Variants in SHC1 observed in about 807,000 individuals in gnomAD.
The protein encoded by SHC1 is SHC-transforming protein 1.
In SHC1, 30 loss-of-function variants were observed where a neutral mutation model predicts 55.9. That is an observed-to-expected ratio of 0.54 (90% CI 0.40 to 0.73). The LOEUF is 0.73. Among genes scored for constraint, SHC1 ranks in the 30% least tolerant of loss-of-function variants. The pLI is 0.00. For missense variants in SHC1, 675 were observed against 777.1 expected, an observed-to-expected ratio of 0.87 and a Z score of 1.56; for synonymous variants, 309 against 306.1, an observed-to-expected ratio of 1.01 and a Z score of -0.10.
At position 154,966,143 on chromosome 1, in the gene SHC1, A is replaced by G. The variant is rs754557447; in HGVS notation, c.1252+19T>C. ...CCTCCAACACTCCCCAGCTCTGCCT[A>G]TCTCGGCTCCCTTCATACCTGGACA... On this transcript the variant is annotated intron_variant, in intron 9 of 11. Coordinates refer to ENST00000448116, the MANE Select transcript of SHC1 (RefSeq NM_001130040.2). The G allele has an allele frequency of 1.4e-5, 22 of 1,614,008 alleles. No homozygotes were observed. The highest frequency in any genetic ancestry group is 1.8e-5 in the Non-Finnish European group (21 of 1,180,020).
In SHC1 at chr1:154,967,960, T is replaced by A. The variant is rs1251911869; in HGVS notation, c.856+20A>T. The A allele has an allele frequency of 1.9e-6, 3 of 1,613,118 alleles. No individual in the cohort carries two copies. The Admixed American group carries it at 5.0e-5, about 27-fold the overall frequency. On this transcript the variant is annotated intron_variant, in intron 6 of 11. Transcript: ENST00000448116. ...TCCTCAAACAGCCAGACCCACCCAG[T>A]GCTCCCCACCATGCCTCACCTCTCT...
chr1:154,970,131 C>G lies in SHC1; in HGVS notation c.396G>C (p.Glu132Asp), dbSNP rs1266747220. ...CAAAGCTCCCGTGGCGGGTCCACTC[C>G]TCGCCCCCAAGCTGGCCCCCTTCCA... ...TRVEGGQLGG[E>D]EWTRHGSFVN... The change falls in exon 1 of 12, where the codon GAG becomes GAC. Residue 132 changes from glutamate to aspartate, a missense_variant. This residue lies in a region of SHC1 where 159 missense variants were observed against 246.9 expected (regional missense o/e 0.64). Transcript: ENST00000448116. This position sits in a 1 kb window ranked among gnomAD's most constrained non-coding sequence, Gnocchi z 5.5. 1 of 1,613,284 alleles carries G rather than the reference C, an allele frequency of 6.2e-7. No individual in the cohort carries two copies. Among genetic ancestry groups the G allele is most frequent in the East Asian group, 2.2e-5 (1 of 44,898 alleles).
In SHC1 at chr1:154,968,823, CT is replaced by C; in HGVS notation, c.577del (p.Ser193ValfsTer33). On this transcript the variant is annotated frameshift_variant, in exon 3 of 12. Coordinates refer to ENST00000448116, the MANE Select transcript of SHC1 (RefSeq NM_001130040.2). LOFTEE classifies it high-confidence loss of function. ...ACCCGGCACAGCCTCACACACCAGA[CT>C]GATGGCCTCCCTGGGGAAAGAGGGG... ...TRTQVTREAI[S>X]LVCEAVPGAK... 6.2e-7 allele frequency: 1 copy of C among 1,614,092 alleles called. No homozygotes were observed. The highest frequency in any genetic ancestry group is 8.5e-7 in the Non-Finnish European group (1 of 1,179,954).
Position 154,966,368 on chromosome 1 carries a change from C to A in SHC1, c.1133G>T (p.Arg378Leu). The change falls in exon 8 of 12, where the codon CGA becomes CTA. Residue 378 changes from arginine to leucine, a missense_variant. This residue lies in a region of SHC1 where 360 missense variants were observed against 371.1 expected (regional missense o/e 0.97). Transcript: ENST00000448116. ...LREGAAPGAARPTAPNAQTPS... is the reference protein window; with the variant it reads ...LREGAAPGAALPTAPNAQTPS... ...GGTCTGGGCATTGGGTGCAGTGGGT[C>A]GAGCAGCCCCTGGAGCGGCTCCTTC... 6.2e-7 allele frequency: 1 copy of A among 1,614,080 alleles called. No individual in the cohort carries two copies. The highest frequency in any genetic ancestry group is 1.3e-5 in the African/African-American group (1 of 75,040).
chr1:154,965,631 T>TC lies in SHC1; in HGVS notation c.1537dup (p.Glu513GlyfsTer20). The TC allele has an allele frequency of 6.2e-7, 1 of 1,614,080 alleles. No individual in the cohort carries two copies. The highest frequency in any genetic ancestry group is 8.5e-7 in the Non-Finnish European group (1 of 1,180,030). On this transcript the variant is annotated frameshift_variant, in exon 11 of 12. Transcript: ENST00000448116. LOFTEE classifies it high-confidence loss of function. Reference sequence around the variant, plus strand: ...ATACTGGCCAGGTGTGGTCGTGCTCTCCCGTACCAGGAAGTCCCCATTGAG... The same window carrying TC: ...ATACTGGCCAGGTGTGGTCGTGCTCTCCCCGTACCAGGAAGTCCCCATTGAG...
At position 154,965,684 on chromosome 1, in the gene SHC1, G is replaced by A. The variant is rs1655867208; in HGVS notation, c.1485C>T (p.Ser495=). 6.2e-7 allele frequency: 1 copy of A among 1,614,164 alleles called. No homozygotes were observed. Among genetic ancestry groups the A allele is most frequent in the Non-Finnish European group, 8.5e-7 (1 of 1,180,024 alleles). The change falls in exon 11 of 12, where the codon AGC becomes AGT. Residue 495 remains serine (S), a synonymous_variant. Coordinates refer to ENST00000448116, the MANE Select transcript of SHC1 (RefSeq NM_001130040.2). The stretch of plus-strand genomic sequence containing the variant: ...GCAGCAGTGCCTCAGCCTCCCGCCG[G>A]CTCAGCTTCCCATGGAACCAGGGCT... ...RGEPWFHGKL[S]RREAEALLQL...
In SHC1 at chr1:154,962,943, G is replaced by A. The variant is rs1655487350; in HGVS notation, c.*860C>T. The A allele has an allele frequency of 6.5e-6, 1 of 152,752 alleles. No homozygotes were observed. The highest frequency in any genetic ancestry group is 2.1e-4 in the South Asian group (1 of 4,828). The allele number at this position is 152,752 out of a possible 1,614,324, so 9.5% of individuals were successfully genotyped here. On this transcript the variant is annotated 3_prime_UTR_variant, in exon 12 of 12. Transcript: ENST00000448116. Reference sequence around the variant, plus strand: ...CCACCTGGGAGAGTTAACTGTACAAGAGGCCCAAATTCAGTCACCCCCACC... The same window carrying A: ...CCACCTGGGAGAGTTAACTGTACAAAAGGCCCAAATTCAGTCACCCCCACC...
At position 154,967,734 on chromosome 1, in the gene SHC1, G is replaced by C. The variant is rs1656189254; in HGVS notation, c.920C>G (p.Ala307Gly). The C allele has an allele frequency of 1.2e-6, 2 of 1,614,034 alleles. No homozygotes were observed. Among genetic ancestry groups the C allele is most frequent in the Non-Finnish European group, 1.7e-6 (2 of 1,179,994 alleles). The part of the protein sequence containing the change: ...AQDVISTIGQ[A>G]FELRFKQYLR... ...GTATTGTTTGAAGCGCAACTCGAAG[G>C]CCTGGCCAATGGTGCTGATGACATC... Residue 307 changes from alanine to glycine, a missense_variant, in exon 7 of 12, where the codon GCC (alanine) becomes GGC (glycine). Physicochemically the swap from Ala to Gly is moderately conservative, Grantham distance 60. Transcript: ENST00000448116.
chr1:154,973,767 T>C (rs1041147384), upstream of SHC1, among the ~76,000 whole-genome samples: 7 of 152,014 alleles, frequency 4.6e-5, no homozygotes, highest in African/African-American at 1.7e-4. Flanking sequence ...GGGGGCGTGG[T>C]CCCCTAAGGA....
upstream of SHC1, among the ~76,000 whole-genome samples, chr1:154,973,083 G>C (rs1315196488): frequency 6.6e-6 from 1 of 152,104 alleles, no homozygotes; most frequent in Non-Finnish European, 1.5e-5. Flanking sequence ...GCTACTTCTG[G>C]GATGAGGTTG....
Position 154,962,936 on chromosome 1 carries a change from T to C in SHC1, c.*867A>G. 6.5e-6 allele frequency: 1 copy of C among 152,744 alleles called. No homozygotes were observed. The highest frequency in any genetic ancestry group is 1.9e-4 in the East Asian group (1 of 5,336). The allele number at this position is 152,744 out of a possible 1,614,324, so 9.5% of individuals were successfully genotyped here. A position where few individuals can be genotyped will look rare whatever the true frequency, so the allele number is the denominator to read the frequency against. On this transcript the variant is annotated 3_prime_UTR_variant, in exon 12 of 12. Coordinates refer to ENST00000448116, the MANE Select transcript of SHC1 (RefSeq NM_001130040.2). ...ACAAAATCCACCTGGGAGAGTTAAC[T>C]GTACAAGAGGCCCAAATTCAGTCAC...
At position 154,970,434 on chromosome 1, in the gene SHC1, CG is replaced by C. The variant is rs752843778; in HGVS notation, c.92del (p.Pro31ArgfsTer35). Reference sequence around the variant, plus strand: ...AAGCTGATGGGGAAGGCAGCTCCTCCGGGGGGGTGGACCCAGAAGCCCCTTC... The same window carrying C: ...AAGCTGATGGGGAAGGCAGCTCCTCCGGGGGGTGGACCCAGAAGCCCCTTC... ...LEEGASGSTP[P>X]EELPSPSASS... On this transcript the variant is annotated frameshift_variant, in exon 1 of 12. Transcript: ENST00000448116. LOFTEE classifies it high-confidence loss of function. This position sits in a 1 kb window ranked among gnomAD's most constrained non-coding sequence, Gnocchi z 5.5. 12 of 1,609,226 alleles carry C rather than the reference CG, an allele frequency of 7.5e-6. No individual in the cohort carries two copies. Among genetic ancestry groups the C allele is most frequent in the South Asian group, 3.3e-5 (3 of 90,628 alleles).
intron 11 of SHC1, 54 bp from the exon 12 acceptor site, chr1:154,963,985 T>G: frequency 6.2e-7 from 1 of 1,601,028 alleles, no homozygotes; most frequent in African/African-American, 1.3e-5. Flanking sequence ...AAATAAGACC[T>G]CAGCCTCCAA....
upstream of SHC1, among the ~76,000 whole-genome samples, chr1:154,974,032 G>A (rs1337216439): frequency 2.0e-5 from 3 of 151,956 alleles, no homozygotes; most frequent in Non-Finnish European, 4.4e-5. Flanking sequence ...GGGGGGTGGG[G>A]ACTTCCAGAA....
At chr1:154,964,735 G>A (rs1242838863) in intron 11 of SHC1, among the ~76,000 whole-genome samples, 3 of 152,100 alleles carry the variant, frequency 2.0e-5, no homozygotes, top group Non-Finnish European at 4.4e-5. Flanking sequence ...CAAAATGTTG[G>A]GATTACAGGC....
At chr1:154,966,920 T>C (rs188371541) in intron 7 of SHC1, among the ~76,000 whole-genome samples, 93 of 152,228 alleles carry the variant, frequency 6.1e-4, no homozygotes, top group Non-Finnish European at 9.3e-4. Context: ...CAGGACAACA[T>C]AGCGAGACCT....
At position 154,966,775 on chromosome 1, in the gene SHC1, C is replaced by T. The variant is rs1268139988; in HGVS notation, c.984-258G>A. Among the ~76,000 whole-genome samples, 5 of 152,272 alleles carry T rather than the reference C, an allele frequency of 3.3e-5. No individual in the cohort carries two copies. In the East Asian group the frequency reaches 5.8e-4, roughly 18 times the overall value. On this transcript the variant is annotated intron_variant, in intron 7 of 11. Coordinates refer to ENST00000448116, the MANE Select transcript of SHC1 (RefSeq NM_001130040.2). ...CAAGGTCTCACAACTAAAAGGCGGC[C>T]GAGCTCAGATTTAAATTCAGGTTTG... is the stretch of plus-strand genomic sequence containing the variant.
At chr1:154,965,867 G>GA (rs1190767948) in intron 10 of SHC1, 79 bp downstream of exon 10, 10 of 1,576,022 alleles carry the variant, frequency 6.3e-6, no homozygotes, top group Non-Finnish European at 8.6e-6. Context: ...AGTCAGGAAG[G>GA]AAAGAGCAGA....
chr1:154,972,433 C>G (rs1656837431), upstream of SHC1, among the ~76,000 whole-genome samples: 1 of 152,090 alleles, frequency 6.6e-6, no homozygotes, highest in Non-Finnish European at 1.5e-5. Context: ...GTCACTCTGC[C>G]AGCCAATCCT....
Sources: allele counts gnomAD v4.1 joint callset (sites outside exome capture counted in the v4.1 genomes callset), GRCh38; gene constraint gnomAD v4.1.1; regional missense constraint gnomAD v4.1.1; non-coding constraint Gnocchi (gnomAD v3.1); transcripts MANE v1.5; gene names NCBI Gene and HGNC (gene_info 2026-07-23, HGNC 2026-07-21).